Variants in IGSF21 observed in about 807,000 individuals in gnomAD.
The protein encoded by IGSF21 is immunoglobulin superfamily member 21.
In IGSF21, 28 loss-of-function variants were observed where a neutral mutation model predicts 46.8. The observed-to-expected ratio is 0.60, with a 90% CI of 0.44 to 0.82. The LOEUF (loss-of-function observed/expected upper bound fraction) is 0.82. Among genes scored for constraint, IGSF21 ranks in the 40% least tolerant of loss-of-function variants. IGSF21 has a pLI of 0.00. For missense variants in IGSF21, 624 were observed against 665.5 expected, an observed-to-expected ratio of 0.94 and a Z score of 0.69; for synonymous variants, 284 against 273.6, an observed-to-expected ratio of 1.04 and a Z score of -0.38.
intron 1 of IGSF21, among the ~76,000 whole-genome samples, chr1:18,226,007 T>C (rs1221834889): frequency 2.0e-5 from 3 of 152,192 alleles, no homozygotes; most frequent in Non-Finnish European, 2.9e-5. Flanking sequence ...GTCCTGGTGA[T>C]TAAGTGAGTA....
intron 2 of IGSF21, among the ~76,000 whole-genome samples, chr1:18,233,225 C>T (rs1569589042): frequency 1.3e-5 from 2 of 152,206 alleles, no homozygotes; most frequent in African/African-American, 4.8e-5. Context: ...GTGATAACAT[C>T]CCTGCTTTCA....
chr1:18,116,336 T>A (rs1206133604), intron 1 of IGSF21, among the ~76,000 whole-genome samples: 3 of 152,234 alleles, frequency 2.0e-5, no homozygotes, highest in Non-Finnish European at 2.9e-5. Flanking sequence ...CACCTGCGGT[T>A]AATGTGCTTT....
intron 1 of IGSF21, among the ~76,000 whole-genome samples, chr1:18,142,301 A>C (rs923834459): frequency 1.3e-5 from 2 of 152,116 alleles, no homozygotes; most frequent in South Asian, 2.1e-4. Flanking sequence ...GCTCGTCTCC[A>C]TTTTACAGAT....
intron 6 of IGSF21, among the ~76,000 whole-genome samples, chr1:18,372,189 T>A (rs2086231373): frequency 6.6e-6 from 1 of 152,230 alleles, no homozygotes; most frequent in Admixed American, 6.5e-5. Context: ...TAGTTCTTAA[T>A]AAACAACTGT....
intron 1 of IGSF21, among the ~76,000 whole-genome samples, chr1:18,165,701 C>A (rs1335289595): frequency 1.3e-5 from 2 of 152,206 alleles, no homozygotes; most frequent in East Asian, 3.8e-4. Context: ...TATCTGCTAG[C>A]CGTAATAAAG....
intron 4 of IGSF21, among the ~76,000 whole-genome samples, chr1:18,352,423 T>A (rs532984428): frequency 6.6e-6 from 1 of 152,100 alleles, no homozygotes; most frequent in African/African-American, 2.4e-5. Flanking sequence ...CCATCCCAGG[T>A]TGGGCAGGTC....
At chr1:18,295,687 C>A (rs903185189) in intron 3 of IGSF21, among the ~76,000 whole-genome samples, 1 of 152,172 alleles carries the variant, frequency 6.6e-6, no homozygotes, top group Non-Finnish European at 1.5e-5. Context: ...TTCCTCTTAC[C>A]CCTCGCTCTT....
rs377256717 is a variant in IGSF21 at position 18,376,969 on chromosome 1, C to T, written c.1271C>T (p.Thr424Met). ...CAGAACCCACTGGGCTCCACCGACA[C>T]GCACACCCGGCTCATCGTGTTTGGT... ...TAQNPLGSTD[T>M]HTRLIVFENP... The change falls in exon 8 of 10, where the codon ACG (threonine) becomes ATG (methionine). Residue 424 changes from threonine (T) to methionine (M), a missense_variant. By Grantham distance (81) the Thr-to-Met change is moderately conservative. Coordinates refer to ENST00000251296, the MANE Select transcript of IGSF21 (RefSeq NM_032880.5). 1.9e-5 allele frequency: 31 copies of T among 1,596,502 alleles called. No homozygotes were observed. Among genetic ancestry groups the T allele is most frequent in the East Asian group, 1.8e-4 (8 of 44,404 alleles).
intron 4 of IGSF21, among the ~76,000 whole-genome samples, chr1:18,360,335 C>T (rs969926225): frequency 6.6e-6 from 1 of 152,208 alleles, no homozygotes; most frequent in African/African-American, 2.4e-5. Flanking sequence ...TGCTCTGCTT[C>T]TCTTGCTGAC....
chr1:18,130,929 C>T (rs968880788), intron 1 of IGSF21, among the ~76,000 whole-genome samples: 1 of 152,234 alleles, frequency 6.6e-6, no homozygotes, highest in Admixed American at 6.5e-5. Context: ...ACAGCTCTCA[C>T]AGCCTGTATG....
chr1:18,220,679 G>C (rs1455438256), intron 1 of IGSF21, among the ~76,000 whole-genome samples: 1 of 152,146 alleles, frequency 6.6e-6, no homozygotes, highest in African/African-American at 2.4e-5. Flanking sequence ...GTGCTTTGAG[G>C]ACTATGGAAG....
intron 1 of IGSF21, among the ~76,000 whole-genome samples, chr1:18,164,495 C>T (rs914075349): frequency 1.8e-4 from 28 of 152,084 alleles, no homozygotes; most frequent in Middle Eastern, 3.4e-3. Flanking sequence ...GTACAATTTA[C>T]GCTCCCCCCA....
chr1:18,215,564 A>C (rs1234009216), intron 1 of IGSF21, among the ~76,000 whole-genome samples: 1 of 152,138 alleles, frequency 6.6e-6, no homozygotes, highest in East Asian at 1.9e-4. Flanking sequence ...GACATAGCGA[A>C]GTGATGGGGG....
chr1:18,293,117 G>A lies in IGSF21; in HGVS notation c.305+1130G>A, dbSNP rs12729270. On this transcript the variant is annotated intron_variant, in intron 3 of 9. Coordinates refer to ENST00000251296, the MANE Select transcript of IGSF21 (RefSeq NM_032880.5). ...ACTGAGCCTGGAGGAGGGGGAAGCC[G>A]TACTCTCCAGCACGGGCTGTGGGTC... 1.4e-3 allele frequency among the ~76,000 whole-genome samples: 216 copies of A among 152,282 alleles called. 1 individual carries two copies. Among genetic ancestry groups the A allele is most frequent in the Non-Finnish European group, 2.5e-3 (173 of 68,028 alleles).
intron 1 of IGSF21, among the ~76,000 whole-genome samples, chr1:18,153,190 G>A (rs1437606359): frequency 6.6e-6 from 1 of 152,186 alleles, no homozygotes; most frequent in East Asian, 1.9e-4. Flanking sequence ...GGCAGTGGGT[G>A]GTAGGGAGGC....
At chr1:18,198,699 C>G (rs1304683457) in intron 1 of IGSF21, among the ~76,000 whole-genome samples, 1 of 151,914 alleles carries the variant, frequency 6.6e-6, no homozygotes, top group East Asian at 1.9e-4. Context: ...AGAGAGAGAG[C>G]AGAGTATTGC....
chr1:18,111,938 T>A (rs1471682470), intron 1 of IGSF21: 1 of 152,200 alleles, frequency 6.6e-6, no homozygotes, highest in Non-Finnish European at 1.5e-5. Context: ...ATGCCTCAGA[T>A]CTGCCTGCTA....
chr1:18,295,930 GC>G (rs1451328817), intron 3 of IGSF21, among the ~76,000 whole-genome samples: 1 of 152,218 alleles, frequency 6.6e-6, no homozygotes, highest in Non-Finnish European at 1.5e-5. Flanking sequence ...CACCTCGTAT[GC>G]CCAGCTCTCA....
intron 3 of IGSF21, among the ~76,000 whole-genome samples, chr1:18,317,823 T>G (rs1436389509): frequency 6.6e-6 from 1 of 152,226 alleles, no homozygotes; most frequent in Non-Finnish European, 1.5e-5. Flanking sequence ...GTGCCTTCTG[T>G]GTATTATCTC....
Sources: gnomAD v4.1 joint callset for allele counts (sites outside exome capture counted in the v4.1 genomes callset) on GRCh38, gnomAD v4.1.1 for gene constraint, MANE v1.5 for transcripts, NCBI Gene and HGNC (gene_info 2026-07-23, HGNC 2026-07-21) for gene names.